The following FBN1 variants were observed in gnomAD, a reference collection of about 807,000 sequenced individuals.
FBN1 encodes fibrillin-1.
A neutral mutation model predicts 365.1 loss-of-function variants in FBN1; 29 were observed. The observed-to-expected ratio is 0.08, with a 90% CI of 0.06 to 0.11. The LOEUF (loss-of-function observed/expected upper bound fraction) is 0.11, where lower values mean the gene tolerates loss of function less well. FBN1 is among the 10% of genes least tolerant of loss of function. The pLI is 1.00. For missense variants in FBN1, 2,476 were observed against 3,703.2 expected, an observed-to-expected ratio of 0.67 and a Z score of 8.60; for synonymous variants, 1,210 against 1,270.5, an observed-to-expected ratio of 0.95 and a Z score of 1.01.
rs1415006689 is a variant in FBN1, at chr15:48,644,858, C to G, written c.-89G>C. The G allele has an allele frequency of 7.9e-7, 1 of 1,262,432 alleles. No individual in the cohort carries two copies. The highest frequency in any genetic ancestry group is 1.0e-6 in the Non-Finnish European group (1 of 994,642). The allele number at this position is 1,262,432 out of a possible 1,614,324, so 78.2% of individuals were successfully genotyped here. ...CGCTGCGCCCTGAAGCGCACCGCGC[C>G]GCCGGGGTCCCGCTATCCCGCCGCC... On this transcript the variant is annotated 5_prime_UTR_variant, in exon 2 of 66. Transcript: ENST00000316623.
intron 55 of FBN1, 28 bp from the exon 56 acceptor site, chr15:48,430,830 G>C: frequency 6.2e-7 from 1 of 1,611,212 alleles, no homozygotes; most frequent in Non-Finnish European, 8.5e-7. Context: ...TCACAAATTT[G>C]TCAAAGAAAA....
At chr15:48,442,599 A>G (rs895145214) in intron 49 of FBN1, among the ~76,000 whole-genome samples, 1 of 152,244 alleles carries the variant, frequency 6.6e-6, no homozygotes, top group Non-Finnish European at 1.5e-5. Flanking sequence ...GTAGCCAATA[A>G]GAAGTTTGAA....
chr15:48,479,178 C>T (rs571143270), intron 32 of FBN1, among the ~76,000 whole-genome samples: 3 of 152,262 alleles, frequency 2.0e-5, no homozygotes, highest in Non-Finnish European at 2.9e-5. Flanking sequence ...GTGAATGACA[C>T]GAATTTTAAA....
At chr15:48,613,263 T>C (rs568965844) in intron 2 of FBN1, among the ~76,000 whole-genome samples, 171 bp from the exon 3 acceptor site, 57 of 152,314 alleles carry the variant, frequency 3.7e-4, no homozygotes, top group African/African-American at 1.3e-3. Flanking sequence ...GACACTAACA[T>C]AGTGATATCA....
intron 35 of FBN1, 131 bp downstream of exon 35, chr15:48,472,420 T>C (rs1434690017): frequency 1.6e-6 from 2 of 1,282,824 alleles, no homozygotes; most frequent in Non-Finnish European, 2.2e-6. Context: ...CAAACTGAAC[T>C]GACCAGCTTA....
intron 43 of FBN1, among the ~76,000 whole-genome samples, 158 bp from the exon 44 acceptor site, chr15:48,456,920 T>C (rs1311457783): frequency 1.3e-5 from 2 of 151,524 alleles, no homozygotes; most frequent in East Asian, 3.9e-4. Flanking sequence ...CATCAACGAA[T>C]AGCAAATTGA....
chr15:48,556,908 TAG>T, intron 6 of FBN1, among the ~76,000 whole-genome samples: 1 of 152,328 alleles, frequency 6.6e-6, no homozygotes, highest in Middle Eastern at 3.4e-3. Flanking sequence ...TTGCTAAAAA[TAG>T]AGTGATTTAA....
Position 48,456,871 on chromosome 15 carries a change from T to TGTGTGTGTGTGTGTGTGC in FBN1, c.5297-110_5297-109insGCACACACACACACACAC, listed in dbSNP as rs749897052. ...GTGTGTGTGTGTGTGTGTGTGTGTG[T>TGTGTGTGTGTGTGTGTGC]GCGTGCATGTGTTGGGGTGGTGGTG... On this transcript the variant is annotated intron_variant, in intron 43 of 65. Coordinates refer to ENST00000316623, the MANE Select transcript of FBN1 (RefSeq NM_000138.5). The TGTGTGTGTGTGTGTGTGC allele has an allele frequency of 2.0e-4, 212 of 1,083,390 alleles. No homozygotes were observed. The South Asian group carries it at 2.0e-3, about 10-fold the overall frequency. 67.1% of individuals were successfully genotyped at this position (1,083,390 alleles called of 1,614,324 possible). A position where few individuals can be genotyped will look rare whatever the true frequency, so the allele number is the denominator to read the frequency against.
chr15:48,579,686 G>C (rs1416597498), intron 6 of FBN1, among the ~76,000 whole-genome samples: 1 of 152,134 alleles, frequency 6.6e-6, no homozygotes, highest in Non-Finnish European at 1.5e-5. Flanking sequence ...AACACTTTAT[G>C]TCCCATCCCT....
rs2043117871 is a variant in FBN1 at position 48,441,850 on chromosome 15, A to T, written c.6038-4T>A. Reference sequence around the variant, plus strand: ...TCTTCGACACACTCATCAATATCTAAAAGAATCACATGAGTCAAACAAAGT... The same window carrying T: ...TCTTCGACACACTCATCAATATCTATAAGAATCACATGAGTCAAACAAAGT... On this transcript the variant is annotated splice_polypyrimidine_tract_variant and splice_region_variant and intron_variant, in intron 49 of 65. Transcript: ENST00000316623. 2 of 1,612,906 alleles carry T rather than the reference A, an allele frequency of 1.2e-6. No individual in the cohort carries two copies. Among genetic ancestry groups the T allele is most frequent in the Non-Finnish European group, 1.7e-6 (2 of 1,179,494 alleles).
At chr15:48,412,012 G>C (rs2042867518) in intron 65 of FBN1, among the ~76,000 whole-genome samples, 1 of 152,284 alleles carries the variant, frequency 6.6e-6, no homozygotes, top group Non-Finnish European at 1.5e-5. Context: ...GCCTCTCTGG[G>C]ACCACATGTG....
intron 35 of FBN1, among the ~76,000 whole-genome samples, chr15:48,471,446 T>C (rs2043376377): frequency 6.6e-6 from 1 of 152,188 alleles, no homozygotes. Context: ...CTGTGACTAT[T>C]TGTGTCACCA....
intron 6 of FBN1, among the ~76,000 whole-genome samples, chr15:48,560,335 T>A (rs904646049): frequency 1.3e-5 from 2 of 152,174 alleles, no homozygotes; most frequent in Non-Finnish European, 2.9e-5. Flanking sequence ...AATCACTTAA[T>A]CTCTAAGTCT....
At chr15:48,455,174 GAAGACGGAT>G (rs1417770340) in intron 44 of FBN1, among the ~76,000 whole-genome samples, 3 of 152,228 alleles carry the variant, frequency 2.0e-5, no homozygotes, top group African/African-American at 7.2e-5. Context: ...CATTCACCCT[GAAGACGGAT>G]ATTCTGTGAA....
chr15:48,577,339 G>C (rs1437284911), intron 6 of FBN1, among the ~76,000 whole-genome samples: 1 of 152,122 alleles, frequency 6.6e-6, no homozygotes, highest in Non-Finnish European at 1.5e-5. Context: ...CCATGATAAA[G>C]GCATGAGGGT....
chr15:48,443,449 A>G (rs1249844182), intron 49 of FBN1, among the ~76,000 whole-genome samples: 3 of 152,162 alleles, frequency 2.0e-5, no homozygotes, highest in Non-Finnish European at 2.9e-5. Context: ...ATTCTGTTCA[A>G]TTTAGCGAAC....
At chr15:48,536,630 A>G (rs931736596) in intron 7 of FBN1, among the ~76,000 whole-genome samples, 6 of 152,246 alleles carry the variant, frequency 3.9e-5, no homozygotes, top group African/African-American at 1.4e-4. Context: ...TGACATTCAG[A>G]GGGATACATT....
At chr15:48,438,988 AC>A (rs2043093129) in intron 50 of FBN1, among the ~76,000 whole-genome samples, 1 of 152,204 alleles carries the variant, frequency 6.6e-6, no homozygotes, top group African/African-American at 2.4e-5. Context: ...ATATCTGACC[AC>A]CTCTGCCTTT....
chr15:48,442,563 T>C (rs2043124642), intron 49 of FBN1, among the ~76,000 whole-genome samples: 1 of 152,174 alleles, frequency 6.6e-6, no homozygotes, highest in African/African-American at 2.4e-5. Flanking sequence ...TTATACATCT[T>C]AGCTCCTGTA....
Sources: gnomAD v4.1 joint callset for allele counts (sites outside exome capture counted in the v4.1 genomes callset) on GRCh38, gnomAD v4.1.1 for gene constraint, MANE v1.5 for transcripts, NCBI Gene and HGNC (gene_info 2026-07-23, HGNC 2026-07-21) for gene names.